TENM1: variants seen among roughly 807,000 people sequenced by gnomAD.
TENM1 encodes teneurin-1.
Under a neutral mutation model 174.8 loss-of-function variants are expected in TENM1, and 35 were observed. The ratio of observed to expected loss-of-function variants is 0.20; its 90% CI spans 0.15 to 0.27. TENM1 has a LOEUF of 0.27. Among genes scored for constraint, TENM1 ranks in the 10% least tolerant of loss-of-function variants. The probability of loss-of-function intolerance (pLI) is 1.00; values close to 1 mark genes in which losing one functional copy is unlikely to be tolerated. For missense variants in TENM1, 1,633 were observed against 2,130.1 expected, an observed-to-expected ratio of 0.77 and a Z score of 4.59; for synonymous variants, 781 against 798.7, an observed-to-expected ratio of 0.98 and a Z score of 0.37.
intron 1 of TENM1, among the ~76,000 whole-genome samples, chrX:124,904,265 A>T (rs2057711297): frequency 8.9e-6 from 1 of 111,774 alleles, no homozygotes; most frequent in African/African-American, 3.3e-5. Flanking sequence ...TTTGTGATGA[A>T]TGAGTAAAGA....
At chrX:125,139,531 G>C in the TENM1 span, among the ~76,000 whole-genome samples, 2 of 111,094 alleles carry the variant, frequency 1.8e-5, no homozygotes, top group Non-Finnish European at 3.8e-5. Context: ...TTGGGAACTT[G>C]GTGATTATGA....
chrX:124,912,827 T>C (rs2057859242), intron 1 of TENM1, among the ~76,000 whole-genome samples: 1 of 111,616 alleles, frequency 9.0e-6, no homozygotes, highest in Non-Finnish European at 1.9e-5. Context: ...TTCATTCATC[T>C]AGGAAATCAG....
chrX:125,049,995 CTATTAT>C, the TENM1 span, among the ~76,000 whole-genome samples: 437 of 109,020 alleles, frequency 4.0e-3, 1 homozygote, highest in Non-Finnish European at 6.7e-3. Flanking sequence ...TCTTTATTTA[CTATTAT>C]TATTAATAAT....
chrX:125,124,394 A>C, the TENM1 span, among the ~76,000 whole-genome samples: 2 of 112,005 alleles, frequency 1.8e-5, no homozygotes, highest in Non-Finnish European at 1.9e-5. Flanking sequence ...ATGACTGTAC[A>C]TCTAGTAGAA....
intron 1 of TENM1, among the ~76,000 whole-genome samples, chrX:124,928,961 A>G (rs1382642356): frequency 8.9e-6 from 1 of 111,836 alleles, no homozygotes; most frequent in Non-Finnish European, 1.9e-5. Context: ...CTTATTTTCT[A>G]TTGATTTCAA....
At chrX:125,106,262 G>A in the TENM1 span, among the ~76,000 whole-genome samples, 1 of 111,523 alleles carries the variant, frequency 9.0e-6, no homozygotes, top group South Asian at 3.7e-4. Context: ...GTTCACTTAC[G>A]TATTTGTTTG....
intron 12 of TENM1, among the ~76,000 whole-genome samples, chrX:124,564,717 C>A (rs1217999758): frequency 9.0e-6 from 1 of 111,725 alleles, no homozygotes; most frequent in East Asian, 2.8e-4. Flanking sequence ...TTTTTAATAT[C>A]TTTTATAGTG....
At chrX:124,653,459 A>C (rs776541045) in intron 7 of TENM1, 125 bp downstream of exon 10, 2 of 502,008 alleles carry the variant, frequency 4.0e-6, no homozygotes, top group Non-Finnish European at 6.6e-6. Context: ...CTGGATATTT[A>C]TTCATGACAA....
chrX:124,573,884 A>G (rs769937921), intron 11 of TENM1, among the ~76,000 whole-genome samples: 2 of 112,337 alleles, frequency 1.8e-5, no homozygotes, highest in South Asian at 3.7e-4. Flanking sequence ...TGAAGAACTA[A>G]CAGAAAACAG....
At chrX:124,672,511 C>T (rs1265881099) in intron 5 of TENM1, among the ~76,000 whole-genome samples, 1 of 111,234 alleles carries the variant, frequency 9.0e-6, no homozygotes, top group African/African-American at 3.3e-5. Context: ...AATACAGTGA[C>T]CTTTTTTGGA....
At chrX:125,005,227 CACAAAT>C in the TENM1 span, among the ~76,000 whole-genome samples, 2 of 96,047 alleles carry the variant, frequency 2.1e-5, no homozygotes, top group Non-Finnish European at 4.2e-5. Context: ...CACACACACA[CACAAAT>C]AATTCTATGG....
In TENM1 at chrX:124,567,614, G is replaced by A. The variant is rs140144538; in HGVS notation, c.2078-2054C>T. On this transcript the variant is annotated intron_variant, in intron 11 of 31. Coordinates refer to ENST00000422452, the Ensembl canonical transcript of TENM1. ...GGTGGAAAAGTGAATGGAAAGCTGT[G>A]CAGGGACTCATCAGGTTGTGAGAAA... is the stretch of plus-strand genomic sequence containing the variant. 7.8e-3 allele frequency among the ~76,000 whole-genome samples: 868 copies of A among 111,776 alleles called. 3 individuals are homozygous for A. Among genetic ancestry groups the A allele is most frequent in the Non-Finnish European group, 0.013 (690 of 53,143 alleles).
At chrX:124,697,259 C>A (rs2148482011) in intron 5 of TENM1, among the ~76,000 whole-genome samples, 1 of 111,056 alleles carries the variant, frequency 9.0e-6, no homozygotes, top group South Asian at 3.8e-4. Flanking sequence ...TTTGATGAGG[C>A]TTTGACGAGT....
At chrX:125,095,352 A>G in the TENM1 span, among the ~76,000 whole-genome samples, 1 of 112,108 alleles carries the variant, frequency 8.9e-6, no homozygotes, top group African/African-American at 3.2e-5. Context: ...TTGCAAACAT[A>G]CTTGCATAAA....
chrX:124,822,292 T>C (rs2056055839), intron 3 of TENM1, among the ~76,000 whole-genome samples: 1 of 112,576 alleles, frequency 8.9e-6, no homozygotes, highest in African/African-American at 3.2e-5. Flanking sequence ...TGACAGACTG[T>C]GTGCAGCAGT....
chrX:124,991,986 C>T, the TENM1 span, among the ~76,000 whole-genome samples: 2 of 110,833 alleles, frequency 1.8e-5, no homozygotes, highest in Non-Finnish European at 3.8e-5. Flanking sequence ...TCTATCATTC[C>T]TCCAAGCCTA....
intron 1 of TENM1, among the ~76,000 whole-genome samples, chrX:124,939,135 G>T (rs902284026): frequency 1.8e-5 from 2 of 111,905 alleles, no homozygotes; most frequent in African/African-American, 6.5e-5. Flanking sequence ...GTATTCATCT[G>T]AATAAGAAAG....
chrX:124,932,493 A>T (rs1027463140), intron 1 of TENM1, among the ~76,000 whole-genome samples: 6 of 112,283 alleles, frequency 5.3e-5, no homozygotes, highest in African/African-American at 1.9e-4. Flanking sequence ...ACCAGTGCTT[A>T]AGCCAGTAAA....
chrX:124,644,186 C>G (rs2051096362), intron 10 of TENM1, among the ~76,000 whole-genome samples: 1 of 94,987 alleles, frequency 1.1e-5, no homozygotes, highest in Admixed American at 1.2e-4. Flanking sequence ...TATATATAGA[C>G]ATATATATAT....
Sources: allele counts gnomAD v4.1 joint callset (sites outside exome capture counted in the v4.1 genomes callset), GRCh38; gene constraint gnomAD v4.1.1; transcripts MANE v1.5; gene names NCBI Gene and HGNC (gene_info 2026-07-23, HGNC 2026-07-21).